SEPTIN6: variants seen among roughly 807,000 people sequenced by gnomAD.
SEPTIN6 encodes septin-6.
Under a neutral mutation model 33.6 loss-of-function variants are expected in SEPTIN6, and 8 were observed. The ratio of observed to expected loss-of-function variants is 0.24; its 90% CI spans 0.14 to 0.43. The LOEUF (loss-of-function observed/expected upper bound fraction) is 0.43. SEPTIN6 is among the 20% of genes least tolerant of loss of function. The probability of loss-of-function intolerance (pLI) is 1.00; values close to 1 mark genes in which losing one functional copy is unlikely to be tolerated. For missense variants in SEPTIN6, 250 were observed against 340.8 expected, an observed-to-expected ratio of 0.73 and a Z score of 2.10; for synonymous variants, 131 against 140.0, an observed-to-expected ratio of 0.94 and a Z score of 0.45.
chrX:119,619,756 G>T lies in SEPTIN6; in HGVS notation c.*337C>A. 1 of 999,792 alleles carries T rather than the reference G, an allele frequency of 1.0e-6. No homozygotes were observed. Among genetic ancestry groups the T allele is most frequent in the Non-Finnish European group, 1.3e-6 (1 of 789,163 alleles). 82.4% of individuals were successfully genotyped at this position (999,792 alleles called of 1,213,427 possible). The stretch of plus-strand genomic sequence containing the variant: ...AGCTGGTGGGAAAGAGTAGCAGATG[G>T]GCCCCCTGACCATGTCACACCTCTG... On this transcript the variant is annotated 3_prime_UTR_variant, in exon 11 of 11. Coordinates refer to ENST00000394610, the MANE Select transcript of SEPTIN6 (RefSeq NM_145799.4).
intron 8 of SEPTIN6, among the ~76,000 whole-genome samples, chrX:119,632,353 G>T (rs963734402): frequency 9.2e-5 from 10 of 108,647 alleles, no homozygotes; most frequent in African/African-American, 3.0e-4. Flanking sequence ...CCGCCACCAC[G>T]CCCGGCTAAT....
intron 3 of SEPTIN6, among the ~76,000 whole-genome samples, chrX:119,656,810 G>A (rs1182486743): frequency 9.1e-6 from 1 of 110,342 alleles, no homozygotes; most frequent in African/African-American, 3.3e-5. Context: ...TGCTTGAACC[G>A]AGGAGGCGGA....
chrX:119,620,747 A>G (rs2053741672), intron 10 of SEPTIN6, among the ~76,000 whole-genome samples: 1 of 110,006 alleles, frequency 9.1e-6, no homozygotes, highest in African/African-American at 3.3e-5. Flanking sequence ...CAGCCTCCTG[A>G]GTATCTGGGA....
intron 5 of SEPTIN6, among the ~76,000 whole-genome samples, chrX:119,648,629 A>T (rs1225566408): frequency 8.9e-6 from 1 of 111,781 alleles, no homozygotes; most frequent in African/African-American, 3.3e-5. Context: ...GATGGTGATA[A>T]CAAACACATC....
At chrX:119,688,136 TG>T (rs1262910444) in intron 1 of SEPTIN6, among the ~76,000 whole-genome samples, 1 of 111,586 alleles carries the variant, frequency 9.0e-6, no homozygotes. Context: ...GCAAATGAAA[TG>T]TTCCCAACCC....
intron 3 of SEPTIN6, among the ~76,000 whole-genome samples, chrX:119,660,639 C>A (rs1042404950): frequency 5.4e-5 from 6 of 111,573 alleles, no homozygotes; most frequent in Non-Finnish European, 7.5e-5. Context: ...CAATCTGCAG[C>A]TGAGATTAAG....
At chrX:119,622,085 T>C (rs2053778109) in intron 10 of SEPTIN6, among the ~76,000 whole-genome samples, 1 of 111,605 alleles carries the variant, frequency 9.0e-6, no homozygotes, top group Non-Finnish European at 1.9e-5. Context: ...TAATAAAAGC[T>C]ATACAAATGC....
chrX:119,625,308 G>C (rs909301056), intron 10 of SEPTIN6, 27 bp downstream of exon 10: 39 of 1,120,016 alleles, frequency 3.5e-5, no homozygotes, highest in African/African-American at 1.3e-4. Flanking sequence ...GCCACTGCCA[G>C]TTCTATTTAG....
Position 119,648,987 on chromosome X carries a change from T to C in SEPTIN6, c.690+950A>G, listed in dbSNP as rs908218852. On this transcript the variant is annotated intron_variant, in intron 5 of 10. Transcript: ENST00000394610. ...ATTGTAAGGAAGCATTAGGAGATGT[T>C]TGCATCTCTGCCTTCTTTATTACTC... Among the ~76,000 whole-genome samples the C allele has an allele frequency of 2.7e-5, 3 of 111,552 alleles. No individual in the cohort carries two copies. The East Asian group carries it at 8.3e-4, about 31-fold the overall frequency.
At chrX:119,675,722 G>T in intron 1 of SEPTIN6, 54 bp from the exon 2 acceptor site, 1 of 700,213 alleles carries the variant, frequency 1.4e-6, no homozygotes, top group Non-Finnish European at 2.0e-6. Context: ...AGCAGTCTGG[G>T]TCTCGCTTCT....
chrX:119,618,583 T>C lies in SEPTIN6; in HGVS notation c.*1510A>G, dbSNP rs767262786. ...AGTAGGTGGTCATGGTCAGTGCCAG[T>C]GGGGCTGGGAGGCAGGAGCAAGTTG... On this transcript the variant is annotated 3_prime_UTR_variant, in exon 11 of 11. Transcript: ENST00000394610. 6 of 1,011,978 alleles carry C rather than the reference T, an allele frequency of 5.9e-6. No individual in the cohort carries two copies. The highest frequency in any genetic ancestry group is 3.8e-5 in the South Asian group (1 of 26,375). The allele number at this position is 1,011,978 out of a possible 1,213,427, so 83.4% of individuals were successfully genotyped here. A position where few individuals can be genotyped will look rare whatever the true frequency, so the allele number is the denominator to read the frequency against.
intron 1 of SEPTIN6, among the ~76,000 whole-genome samples, chrX:119,687,693 TC>T (rs1402385514): frequency 6.2e-5 from 7 of 112,235 alleles, no homozygotes; most frequent in Non-Finnish European, 1.3e-4. Flanking sequence ...AATACCTTTT[TC>T]CAGAGGACTT....
chrX:119,632,736 T>C (rs1202685569), intron 8 of SEPTIN6, among the ~76,000 whole-genome samples: 1 of 111,475 alleles, frequency 9.0e-6, no homozygotes, highest in Middle Eastern at 4.2e-3. Flanking sequence ...CAAGCGATTC[T>C]CCTGCCTCAG....
Position 119,618,938 on chromosome X carries a change from G to A in SEPTIN6, c.*1155C>T, listed in dbSNP as rs2053706259. 9.8e-7 allele frequency: 1 copy of A among 1,017,716 alleles called. No individual in the cohort carries two copies. The highest frequency in any genetic ancestry group is 1.3e-6 in the Non-Finnish European group (1 of 795,405). The allele number at this position is 1,017,716 out of a possible 1,213,427, so 83.9% of individuals were successfully genotyped here. ...TCTCTACTTCACAGAGGTTCCCAAAGCCACTATCAGATGGGACCCATGATA... is the reference window on the plus strand; with the variant it reads ...TCTCTACTTCACAGAGGTTCCCAAAACCACTATCAGATGGGACCCATGATA... On this transcript the variant is annotated 3_prime_UTR_variant, in exon 11 of 11. Coordinates refer to ENST00000394610, the MANE Select transcript of SEPTIN6 (RefSeq NM_145799.4).
Position 119,620,434 on chromosome X carries a change from TC to T in SEPTIN6, c.*42-384del, listed in dbSNP as rs1303019058. On this transcript the variant is annotated intron_variant, in intron 10 of 10. Transcript: ENST00000394610. ...CCCGGGTTCACGCCATTCTCCTGCC[TC>T]AGCCTCCCCAGCAGCTGGGACTACA... 4.8e-5 allele frequency among the ~76,000 whole-genome samples: 5 copies of T among 105,117 alleles called. No homozygotes were observed. The South Asian group carries it at 2.3e-3, about 47-fold the overall frequency. The allele number at this position is 105,117 out of a possible 115,157, so 91.3% of individuals were successfully genotyped here.
intron 2 of SEPTIN6, among the ~76,000 whole-genome samples, chrX:119,664,418 T>C: frequency 8.9e-6 from 1 of 112,106 alleles, no homozygotes; most frequent in Non-Finnish European, 1.9e-5. Flanking sequence ...AGTGGTGATC[T>C]TATGTGTGGT....
chrX:119,655,113 C>T (rs1424245599), intron 3 of SEPTIN6, among the ~76,000 whole-genome samples: 1 of 109,892 alleles, frequency 9.1e-6, no homozygotes, highest in African/African-American at 3.3e-5. Context: ...TTAGCTCCCC[C>T]ACACACCCCG....
At chrX:119,624,143 GGT>G (rs1491395428) in intron 10 of SEPTIN6, 14 of 210,634 alleles carry the variant, frequency 6.6e-5, no homozygotes, top group African/African-American at 4.3e-4. Context: ...TTTTATTATG[GGT>G]TTTTTTTTTT....
Position 119,619,977 on chromosome X carries a change from A to C in SEPTIN6, c.*116T>G. ...GGGTTGGATTGTATGCCCCCCAGGC[A>C]TGTTAAGGGGGAAATTAGAGAAAGG... On this transcript the variant is annotated 3_prime_UTR_variant, in exon 11 of 11. Coordinates refer to ENST00000394610, the MANE Select transcript of SEPTIN6 (RefSeq NM_145799.4). The C allele has an allele frequency of 8.3e-7, 1 of 1,203,457 alleles. No individual in the cohort carries two copies.
Sources: allele counts gnomAD v4.1 joint callset (sites outside exome capture counted in the v4.1 genomes callset), GRCh38; gene constraint gnomAD v4.1.1; transcripts MANE v1.5; gene names NCBI Gene and HGNC (gene_info 2026-07-23, HGNC 2026-07-21).